Variants in PDE4B observed in about 807,000 individuals in gnomAD.
The protein encoded by PDE4B is 3',5'-cyclic-AMP phosphodiesterase 4B.
In PDE4B, 20 loss-of-function variants were observed where a neutral mutation model predicts 82.2. The observed-to-expected ratio is 0.24, with a 90% CI of 0.17 to 0.35. The LOEUF is 0.35. Among genes scored for constraint, PDE4B ranks in the 10% least tolerant of loss-of-function variants. The pLI is 1.00. For missense variants in PDE4B, 655 were observed against 907.2 expected, an observed-to-expected ratio of 0.72 and a Z score of 3.57; for synonymous variants, 320 against 318.9, an observed-to-expected ratio of 1.00 and a Z score of -0.04.
chr1:66,242,158 A>G (rs574515785), intron 3 of PDE4B, among the ~76,000 whole-genome samples: 3 of 152,220 alleles, frequency 2.0e-5, no homozygotes, highest in Non-Finnish European at 4.4e-5. Flanking sequence ...CAGGGCACAG[A>G]TTGTAAGGTG....
At chr1:66,290,942 A>G (rs937153636) in intron 7 of PDE4B, among the ~76,000 whole-genome samples, 11 of 152,144 alleles carry the variant, frequency 7.2e-5, no homozygotes, top group Non-Finnish European at 7.3e-5. Context: ...GAAGAGGTCC[A>G]AACTGGATGC....
Position 66,201,558 on chromosome 1 carries a change from C to T in PDE4B, c.282-45902C>T, listed in dbSNP as rs564021454. 5.7e-4 allele frequency among the ~76,000 whole-genome samples: 85 copies of T among 150,226 alleles called. 1 individual carries two copies. The highest frequency in any genetic ancestry group is 4.7e-4 in the Non-Finnish European group (32 of 67,412). On this transcript the variant is annotated intron_variant, in intron 3 of 16. Transcript: ENST00000341517. Reference sequence around the variant, plus strand: ...GGTCTATTCAAAGATTTAACTTCTTCTTTGTTTAGTCTTGGGAGGGCGTAT... The same window carrying T: ...GGTCTATTCAAAGATTTAACTTCTTTTTTGTTTAGTCTTGGGAGGGCGTAT...
chr1:65,805,007 C>A (rs530305296), intron 1 of PDE4B, among the ~76,000 whole-genome samples: 2 of 151,826 alleles, frequency 1.3e-5, no homozygotes, highest in East Asian at 3.9e-4. Context: ...CTCTGTCTTC[C>A]AGGCTGGGGT....
intron 7 of PDE4B, among the ~76,000 whole-genome samples, chr1:66,314,103 T>A (rs1281398885): frequency 6.6e-6 from 1 of 152,192 alleles, no homozygotes; most frequent in Non-Finnish European, 1.5e-5. Flanking sequence ...TCCCATCCCT[T>A]AAACATATAC....
At chr1:65,965,930 C>A (rs1354716242) in intron 3 of PDE4B, among the ~76,000 whole-genome samples, 2 of 152,112 alleles carry the variant, frequency 1.3e-5, no homozygotes, top group Non-Finnish European at 2.9e-5. Context: ...GACAAACCCA[C>A]ATCCAGTATC....
At chr1:66,109,355 GT>G (rs1240566553) in intron 3 of PDE4B, among the ~76,000 whole-genome samples, 2 of 151,876 alleles carry the variant, frequency 1.3e-5, no homozygotes, top group Non-Finnish European at 2.9e-5. Flanking sequence ...TCATATAGAA[GT>G]AATTTTATTT....
chr1:66,186,615 G>C (rs890412837), intron 3 of PDE4B, among the ~76,000 whole-genome samples: 38 of 152,150 alleles, frequency 2.5e-4, no homozygotes, highest in Admixed American at 1.9e-3. Flanking sequence ...TGGGAGTTCA[G>C]TCATGATTTG....
At chr1:66,371,914 G>A (rs2050796978) in intron 16 of PDE4B, among the ~76,000 whole-genome samples, 1 of 152,192 alleles carries the variant, frequency 6.6e-6, no homozygotes, top group Non-Finnish European at 1.5e-5. Flanking sequence ...GAAATCATGA[G>A]GATTCCATCC....
chr1:66,263,391 T>C (rs1654820854), intron 6 of PDE4B, among the ~76,000 whole-genome samples: 1 of 152,202 alleles, frequency 6.6e-6, no homozygotes. Context: ...GAGTGCTGTG[T>C]TCGAGGAACA....
chr1:66,060,602 A>C (rs957571311), intron 3 of PDE4B, among the ~76,000 whole-genome samples: 4 of 152,206 alleles, frequency 2.6e-5, no homozygotes, highest in African/African-American at 9.6e-5. Context: ...AAATTGTAAA[A>C]TTTTGATATA....
At chr1:66,277,458 C>T (rs112657800) in intron 7 of PDE4B, among the ~76,000 whole-genome samples, 15 of 152,190 alleles carry the variant, frequency 9.9e-5, no homozygotes, top group East Asian at 3.9e-4. Flanking sequence ...TGCAGTGGCA[C>T]GATCTCAGCT....
chr1:66,266,032 C>T lies in PDE4B; in HGVS notation c.585-6C>T. 6.2e-7 allele frequency: 1 copy of T among 1,612,254 alleles called. No individual in the cohort carries two copies. The highest frequency in any genetic ancestry group is 8.5e-7 in the Non-Finnish European group (1 of 1,178,390). ...GACTCAGTCCTTCTTTTCTCTGTCT[C>T]CACAGGAGGTCCCCAGCTGCTAGTC... On this transcript the variant is annotated splice_polypyrimidine_tract_variant and splice_region_variant and intron_variant, in intron 6 of 16. Coordinates refer to ENST00000341517, the MANE Select transcript of PDE4B (RefSeq NM_002600.4).
chr1:65,881,615 T>C lies in PDE4B; in HGVS notation c.-70-31630T>C, dbSNP rs562303745. On this transcript the variant is annotated intron_variant, in intron 1 of 16. Coordinates refer to ENST00000341517, the MANE Select transcript of PDE4B (RefSeq NM_002600.4). ...TGTTATAAAGATTAATTGTCTTCTC[T>C]TGTCTATAATTGCCAATACGACCCA... Among the ~76,000 whole-genome samples the C allele has an allele frequency of 1.8e-3, 277 of 152,352 alleles. 2 individuals are homozygous for C. The highest frequency in any genetic ancestry group is 2.4e-3 in the Non-Finnish European group (164 of 68,038).
chr1:66,044,866 G>C (rs1654602244), intron 3 of PDE4B, among the ~76,000 whole-genome samples: 2 of 151,566 alleles, frequency 1.3e-5, no homozygotes, highest in Non-Finnish European at 3.0e-5. Flanking sequence ...ATAAACATCA[G>C]CTACTGAGTT....
At chr1:65,898,231 C>T (rs868398911) in intron 1 of PDE4B, among the ~76,000 whole-genome samples, 1 of 151,446 alleles carries the variant, frequency 6.6e-6, no homozygotes, top group Admixed American at 6.6e-5. Flanking sequence ...GATATTATAC[C>T]TTTGTCAGTG....
At chr1:66,353,249 T>C (rs903506764) in intron 8 of PDE4B, among the ~76,000 whole-genome samples, 3 of 151,912 alleles carry the variant, frequency 2.0e-5, no homozygotes, top group African/African-American at 7.2e-5. Context: ...ACAAACATAT[T>C]GTATCATGGG....
chr1:66,014,709 G>A (rs1340093910), intron 3 of PDE4B, among the ~76,000 whole-genome samples: 2 of 152,154 alleles, frequency 1.3e-5, no homozygotes, highest in Non-Finnish European at 2.9e-5. Context: ...TTCTCCTGGC[G>A]AGAACATTTA....
At chr1:66,008,604 G>A (rs1485042563) in intron 3 of PDE4B, among the ~76,000 whole-genome samples, 2 of 152,018 alleles carry the variant, frequency 1.3e-5, no homozygotes, top group Non-Finnish European at 2.9e-5. Context: ...ATCTATTGCT[G>A]TATTTCATTT....
chr1:66,169,291 G>T (rs111989448), intron 3 of PDE4B, among the ~76,000 whole-genome samples: 222 of 152,272 alleles, frequency 1.5e-3, no homozygotes, highest in Admixed American at 3.5e-3. Flanking sequence ...AAGTGCTATT[G>T]TATCTGCTTA....
Sources: gnomAD v4.1 joint callset for allele counts (sites outside exome capture counted in the v4.1 genomes callset) on GRCh38, gnomAD v4.1.1 for gene constraint, MANE v1.5 for transcripts, NCBI Gene and HGNC (gene_info 2026-07-23, HGNC 2026-07-21) for gene names.